The following VPS13D variants were observed in gnomAD, a reference collection of about 807,000 sequenced individuals.
VPS13D encodes vacuolar protein sorting 13 homolog D.
A neutral mutation model predicts 461.9 loss-of-function variants in VPS13D; 187 were observed. The observed-to-expected ratio is 0.40, with a 90% confidence interval of 0.36 to 0.46. The LOEUF (loss-of-function observed/expected upper bound fraction) is 0.46, where lower values mean the gene tolerates loss of function less well. Ranked by LOEUF, VPS13D falls within the 20% of genes least tolerant of loss-of-function variation. The pLI, the probability that VPS13D is intolerant of heterozygous loss-of-function variation, is 0.60. For missense variants in VPS13D, 4,711 were observed against 5,364.9 expected, an observed-to-expected ratio of 0.88 and a Z score of 3.81; for synonymous variants, 1,951 against 1,986.3, an observed-to-expected ratio of 0.98 and a Z score of 0.47.
At chr1:12,338,160 G>C (rs909188470) in intron 39 of VPS13D, 71 bp from the exon 40 acceptor site, 1 of 1,363,040 alleles carries the variant, frequency 7.3e-7, no homozygotes, top group African/African-American at 1.4e-5. Context: ...TGTGCTTATC[G>C]TTTGGAAGCA....
chr1:12,314,269 C>T lies in VPS13D; in HGVS notation c.7090C>T (p.Gln2364Ter). 6.2e-7 allele frequency: 1 copy of T among 1,614,190 alleles called. No homozygotes were observed. The highest frequency in any genetic ancestry group is 8.5e-7 in the Non-Finnish European group (1 of 1,180,026). Reference sequence around the variant, plus strand: ...GACGAATGTGTTCAGCTGTATCTTTCAGCCCGCTAAGAACAGCAGCACCAC... The same window carrying T: ...GACGAATGTGTTCAGCTGTATCTTTTAGCCCGCTAAGAACAGCAGCACCAC... ...GMTNVFSCIF[Q>*]PAKNSSTTQG... is the part of the protein sequence containing the mutation. The change falls in exon 30 of 70, where the codon CAG becomes TAG. Residue 2364 changes from glutamine to a stop codon, truncating the protein, a stop_gained. Transcript: ENST00000620676. LOFTEE classifies it high-confidence loss of function.
chr1:12,457,120 T>G (rs191187086), intron 66 of VPS13D, among the ~76,000 whole-genome samples: 1 of 152,358 alleles, frequency 6.6e-6, no homozygotes, highest in East Asian at 1.9e-4. Flanking sequence ...TGCCTTTTGT[T>G]GCATTTTTCT....
At chr1:12,464,345 T>G (rs145980244) in intron 67 of VPS13D, among the ~76,000 whole-genome samples, 22 of 152,350 alleles carry the variant, frequency 1.4e-4, no homozygotes, top group South Asian at 4.1e-4. Flanking sequence ...CCTCTGAGCC[T>G]GCAATTGGAA....
At chr1:12,394,906 A>G (rs1485320388) in intron 60 of VPS13D, among the ~76,000 whole-genome samples, 1 of 151,820 alleles carries the variant, frequency 6.6e-6, no homozygotes, top group South Asian at 2.1e-4. Context: ...TCCTGATCCA[A>G]CCCTATGTTC....
At chr1:12,457,869 G>A (rs904530534) in intron 66 of VPS13D, among the ~76,000 whole-genome samples, 1 of 152,158 alleles carries the variant, frequency 6.6e-6, no homozygotes, top group African/African-American at 2.4e-5. Flanking sequence ...GTTGACTGTT[G>A]GGCAATCATT....
At chr1:12,264,244 T>C (rs1641200370) in intron 13 of VPS13D, among the ~76,000 whole-genome samples, 1 of 152,210 alleles carries the variant, frequency 6.6e-6, no homozygotes, top group South Asian at 2.1e-4. Flanking sequence ...TGAGACACAA[T>C]GTTGAAATTG....
chr1:12,312,967 C>T (rs996379031), intron 29 of VPS13D, among the ~76,000 whole-genome samples: 5 of 152,132 alleles, frequency 3.3e-5, no homozygotes, highest in Admixed American at 2.6e-4. Context: ...TGTATGAATT[C>T]GTGATTACTG....
At chr1:12,274,621 TA>T (rs1249646923) in intron 18 of VPS13D, among the ~76,000 whole-genome samples, 1 of 152,222 alleles carries the variant, frequency 6.6e-6, no homozygotes. Context: ...CCCAGTGGTG[TA>T]TTTTTATAGT....
chr1:12,406,649 A>G (rs992614092), intron 63 of VPS13D, among the ~76,000 whole-genome samples: 4 of 152,190 alleles, frequency 2.6e-5, no homozygotes, highest in Non-Finnish European at 4.4e-5. Flanking sequence ...TAATAGTCCC[A>G]TTTCACAAAT....
intron 65 of VPS13D, among the ~76,000 whole-genome samples, chr1:12,429,041 A>G (rs1644960414): frequency 6.6e-6 from 1 of 151,226 alleles, no homozygotes; most frequent in Non-Finnish European, 1.5e-5. Flanking sequence ...ATGGAATGCA[A>G]CGGTCTGTAT....
intron 14 of VPS13D, among the ~76,000 whole-genome samples, chr1:12,267,252 A>G (rs1641300860): frequency 6.6e-6 from 1 of 152,208 alleles, no homozygotes; most frequent in South Asian, 2.1e-4. Context: ...AGAAAATGCT[A>G]TAAGACCACT....
At chr1:12,394,417 T>G (rs1428496770) in intron 60 of VPS13D, among the ~76,000 whole-genome samples, 1 of 152,208 alleles carries the variant, frequency 6.6e-6, no homozygotes, top group Admixed American at 6.5e-5. Flanking sequence ...CTGCTGTGCA[T>G]TATGGTAGCT....
chr1:12,307,212 T>C (rs1642591284), intron 26 of VPS13D, among the ~76,000 whole-genome samples: 1 of 152,196 alleles, frequency 6.6e-6, no homozygotes, highest in South Asian at 2.1e-4. Flanking sequence ...ACTTATAGAC[T>C]AATGAAAAAG....
chr1:12,262,137 A>G (rs747046292), intron 13 of VPS13D, 57 bp downstream of exon 13: 1 of 1,539,746 alleles, frequency 6.5e-7, no homozygotes, highest in East Asian at 2.3e-5. Flanking sequence ...GCCAATGTCC[A>G]GGCGATTCTC....
chr1:12,381,930 CTTTCTTTCTTT>C (rs1383708397), intron 57 of VPS13D, among the ~76,000 whole-genome samples: 1 of 78,548 alleles, frequency 1.3e-5, no homozygotes, highest in Non-Finnish European at 2.4e-5. Flanking sequence ...TCTTTTCTTT[CTTTCTTTCTTT>C]CTTTCTTTCT....
chr1:12,391,535 C>G (rs1644426401), intron 60 of VPS13D, among the ~76,000 whole-genome samples: 1 of 152,126 alleles, frequency 6.6e-6, no homozygotes, highest in African/African-American at 2.4e-5. Context: ...TGTGTACGAC[C>G]CACTTTATGG....
rs1024871072 is a variant in VPS13D at position 12,299,816 on chromosome 1, G to A, written c.6216+432G>A. The stretch of plus-strand genomic sequence containing the variant: ...TTTTTTCAGAGGACGTGATTGGCCC[G>A]TGGTTTACTTGAAGCCATTTAAAAA... On this transcript the variant is annotated intron_variant, in intron 25 of 69. Coordinates refer to ENST00000620676, the MANE Select transcript of VPS13D (RefSeq NM_015378.4). The surrounding 1 kb of genome is among the most constrained non-coding windows in gnomAD (Gnocchi z 4.2). Among the ~76,000 whole-genome samples, 1 of 151,344 alleles carries A rather than the reference G, an allele frequency of 6.6e-6. No homozygotes were observed. The highest frequency in any genetic ancestry group is 2.4e-5 in the African/African-American group (1 of 41,112).
rs1253132253 is a variant in VPS13D at position 12,324,390 on chromosome 1, G to T, written c.7990+610G>T. ...CGTGGTGGCTCATGCCTGTAATCCA[G>T]CTACTCAGGAGGCTGAGGCAGGAGA... On this transcript the variant is annotated intron_variant, in intron 35 of 69. Transcript: ENST00000620676. 2.0e-5 allele frequency among the ~76,000 whole-genome samples: 3 copies of T among 152,264 alleles called. No individual in the cohort carries two copies. The East Asian group carries it at 5.8e-4, about 30-fold the overall frequency.
intron 65 of VPS13D, among the ~76,000 whole-genome samples, chr1:12,455,378 A>G (rs1044947017): frequency 6.6e-6 from 1 of 152,202 alleles, no homozygotes; most frequent in African/African-American, 2.4e-5. Context: ...TGTTCTTACC[A>G]TGATACAGTC....
Sources: allele counts gnomAD v4.1 joint callset (sites outside exome capture counted in the v4.1 genomes callset), GRCh38; gene constraint gnomAD v4.1.1; non-coding constraint Gnocchi (gnomAD v3.1); transcripts MANE v1.5; gene names NCBI Gene and HGNC (gene_info 2026-07-23, HGNC 2026-07-21).